Variants in MAGI2 observed in about 807,000 individuals in gnomAD.
MAGI2 encodes membrane associated guanylate kinase, WW and PDZ domain containing 2.
In MAGI2, 35 loss-of-function variants were observed where a neutral mutation model predicts 133.3. The ratio of observed to expected loss-of-function variants is 0.26; its 90% confidence interval spans 0.20 to 0.35. The LOEUF (loss-of-function observed/expected upper bound fraction) is 0.35, where lower values mean the gene tolerates loss of function less well. Ranked by LOEUF, MAGI2 falls within the 10% of genes least tolerant of loss-of-function variation. The pLI is 1.00. For missense variants in MAGI2, 1,636 were observed against 1,863.4 expected, an observed-to-expected ratio of 0.88 and a Z score of 2.25; for synonymous variants, 729 against 710.6, an observed-to-expected ratio of 1.03 and a Z score of -0.41.
chr7:78,333,310 G>A (rs1407488628), intron 9 of MAGI2, among the ~76,000 whole-genome samples: 2 of 152,182 alleles, frequency 1.3e-5, no homozygotes, highest in African/African-American at 4.8e-5. Flanking sequence ...GCCCATAAAA[G>A]TGAAAGGTAC....
chr7:79,208,638 A>C (rs2129552474), intron 1 of MAGI2, among the ~76,000 whole-genome samples: 1 of 152,166 alleles, frequency 6.6e-6, no homozygotes, highest in Admixed American at 6.5e-5. Context: ...TCAAAACATT[A>C]GAAATAGAAT....
chr7:78,805,605 A>C (rs558963604), intron 2 of MAGI2, among the ~76,000 whole-genome samples: 1 of 152,192 alleles, frequency 6.6e-6, no homozygotes, highest in Non-Finnish European at 1.5e-5. Flanking sequence ...ACGCCCTTGT[A>C]TAGTTCATTT....
At chr7:78,046,097 C>T (rs1811386933) in intron 21 of MAGI2, among the ~76,000 whole-genome samples, 1 of 151,742 alleles carries the variant, frequency 6.6e-6, no homozygotes, top group Non-Finnish European at 1.5e-5. Context: ...CCTAAAAGGA[C>T]CAGAAATAGG....
intron 20 of MAGI2, among the ~76,000 whole-genome samples, chr7:78,101,001 G>T (rs981032661): frequency 6.6e-6 from 1 of 151,940 alleles, no homozygotes; most frequent in African/African-American, 2.4e-5. Flanking sequence ...AACCAAGGAG[G>T]TGAATGATCC....
intron 3 of MAGI2, among the ~76,000 whole-genome samples, chr7:78,525,576 T>C (rs1796880853): frequency 6.6e-6 from 1 of 152,216 alleles, no homozygotes; most frequent in Admixed American, 6.5e-5. Context: ...ATATGCATAG[T>C]GCCTGGATAT....
intron 3 of MAGI2, among the ~76,000 whole-genome samples, chr7:78,590,480 C>T (rs530813705): frequency 4.6e-5 from 7 of 152,074 alleles, no homozygotes; most frequent in African/African-American, 1.2e-4. Context: ...CAGGCATTTG[C>T]GGAATAGCAA....
chr7:78,849,223 A>G (rs1038403677), intron 2 of MAGI2, among the ~76,000 whole-genome samples: 9 of 152,082 alleles, frequency 5.9e-5, no homozygotes, highest in South Asian at 2.1e-4. Flanking sequence ...TAGCTGAAGA[A>G]ATATCAAAAC....
At chr7:78,751,218 C>G (rs1371199169) in intron 2 of MAGI2, among the ~76,000 whole-genome samples, 1 of 152,108 alleles carries the variant, frequency 6.6e-6, no homozygotes, top group Non-Finnish European at 1.5e-5. Context: ...CATTGTTGTT[C>G]TAATGACAAA....
chr7:78,424,121 T>A (rs1366992802), intron 6 of MAGI2, among the ~76,000 whole-genome samples: 1 of 151,934 alleles, frequency 6.6e-6, no homozygotes, highest in Non-Finnish European at 1.5e-5. Context: ...GAGAAAATGG[T>A]TTTGTGGGCC....
intron 2 of MAGI2, among the ~76,000 whole-genome samples, chr7:78,870,126 A>T (rs1034155377): frequency 2.0e-5 from 3 of 152,012 alleles, no homozygotes; most frequent in Non-Finnish European, 4.4e-5. Context: ...AAAAGAAATA[A>T]CCTCATCAAA....
intron 1 of MAGI2, among the ~76,000 whole-genome samples, chr7:79,240,055 C>T (rs1832267825): frequency 6.6e-6 from 1 of 152,166 alleles, no homozygotes; most frequent in African/African-American, 2.4e-5. Context: ...ATAGCCAGTG[C>T]CATCCCTTGC....
intron 3 of MAGI2, among the ~76,000 whole-genome samples, chr7:78,609,316 T>C (rs1179298211): frequency 6.6e-6 from 1 of 152,132 alleles, no homozygotes; most frequent in African/African-American, 2.4e-5. Context: ...CCTGAGATCA[T>C]AATCTTCAGT....
At chr7:79,015,717 TA>T (rs1395707854) in intron 1 of MAGI2, among the ~76,000 whole-genome samples, 1 of 152,164 alleles carries the variant, frequency 6.6e-6, no homozygotes, top group Non-Finnish European at 1.5e-5. Context: ...AAATGTTGTA[TA>T]TTATAATTAT....
chr7:79,254,232 T>C (rs1161254945), intron 1 of MAGI2, among the ~76,000 whole-genome samples: 2 of 152,214 alleles, frequency 1.3e-5, no homozygotes, highest in Non-Finnish European at 2.9e-5. Context: ...TTCAACTTTT[T>C]CTATTAACTT....
In MAGI2 at chr7:79,317,091, C is replaced by T. The variant is rs964846938; in HGVS notation, c.301+135929G>A. Among the ~76,000 whole-genome samples the T allele has an allele frequency of 5.0e-5, 7 of 139,236 alleles. No individual in the cohort carries two copies. The South Asian group carries it at 6.7e-4, about 13-fold the overall frequency. The allele number at this position is 139,236 out of a possible 152,430, so 91.3% of individuals were successfully genotyped here. A position where few individuals can be genotyped will look rare whatever the true frequency, so the allele number is the denominator to read the frequency against. ...AGGCTGGAGTGCAATGGCATGATCT[C>T]GGCTCACTGCAACTTCTGCCTCCCC... On this transcript the variant is annotated intron_variant, in intron 1 of 21. Transcript: ENST00000354212.
intron 20 of MAGI2, among the ~76,000 whole-genome samples, chr7:78,119,557 CAAAAAAAAA>C (rs1166809821): frequency 2.0e-5 from 1 of 48,916 alleles, no homozygotes; most frequent in South Asian, 1.2e-3. Flanking sequence ...TGAGACTCCT[CAAAAAAAAA>C]AAAAAAAAAA....
At chr7:78,048,017 T>C (rs1297422343) in intron 21 of MAGI2, among the ~76,000 whole-genome samples, 1 of 152,234 alleles carries the variant, frequency 6.6e-6, no homozygotes, top group African/African-American at 2.4e-5. Flanking sequence ...CTGATAGGAT[T>C]GTGTTGGCTT....
intron 3 of MAGI2, among the ~76,000 whole-genome samples, chr7:78,529,083 G>C (rs1414525181): frequency 6.6e-6 from 1 of 151,920 alleles, no homozygotes; most frequent in Non-Finnish European, 1.5e-5. Context: ...TTCACAATAT[G>C]ATCTCCAATG....
At chr7:78,887,807 G>A (rs990619628) in intron 2 of MAGI2, among the ~76,000 whole-genome samples, 8 of 152,326 alleles carry the variant, frequency 5.3e-5, no homozygotes, top group African/African-American at 1.4e-4. Context: ...CTTGAGCAAC[G>A]CAGAAGATGG....
Sources: gnomAD v4.1 joint callset for allele counts (sites outside exome capture counted in the v4.1 genomes callset) on GRCh38, gnomAD v4.1.1 for gene constraint, MANE v1.5 for transcripts, NCBI Gene and HGNC (gene_info 2026-07-23, HGNC 2026-07-21) for gene names.